Variants in FTCDNL1 observed in about 807,000 individuals in gnomAD.
FTCDNL1 encodes formiminotransferase cyclodeaminase N-terminal like.
A neutral mutation model predicts 5.9 loss-of-function variants in FTCDNL1; 11 were observed. The ratio of observed to expected loss-of-function variants is 1.87; its 90% CI spans 1.18 to 3.10. The LOEUF (loss-of-function observed/expected upper bound fraction) is 3.10. Among genes scored for constraint, FTCDNL1 ranks in the 30% most tolerant of loss-of-function variants. FTCDNL1 has a pLI of 0.00. For missense variants in FTCDNL1, 115 were observed against 65.5 expected (o/e 1.76, Z -2.61); for synonymous variants, 58 against 24.8 (o/e 2.34, Z -3.99).
intron 2 of FTCDNL1, 113 bp from the exon 3 acceptor site, chr2:199,846,283 G>A (rs2076730916): frequency 1.7e-6 from 1 of 578,742 alleles, no homozygotes; most frequent in Non-Finnish European, 3.1e-6. Flanking sequence ...TCTGGGATGT[G>A]ACTTTTGGAA....
intron 3 of FTCDNL1, among the ~76,000 whole-genome samples, chr2:199,791,242 T>C (rs947166278): frequency 7.2e-5 from 11 of 151,926 alleles, no homozygotes; most frequent in Non-Finnish European, 1.5e-4. Context: ...ATTTAAAAGA[T>C]ATCATTTGTC....
At chr2:199,843,869 T>A (rs1215820071) in intron 3 of FTCDNL1, among the ~76,000 whole-genome samples, 2 of 151,988 alleles carry the variant, frequency 1.3e-5, no homozygotes, top group South Asian at 2.1e-4. Context: ...TTTTTCCAAA[T>A]TAACCTTACC....
At chr2:199,806,063 C>T (rs1700709985), downstream of FTCDNL1, among the ~76,000 whole-genome samples, 1 of 152,200 alleles carries the variant, frequency 6.6e-6, no homozygotes, top group African/African-American at 2.4e-5. Context: ...ACTTGCCTCA[C>T]AATACTGCAA....
intron 4 of FTCDNL1, among the ~76,000 whole-genome samples, chr2:199,817,493 A>T (rs537978516): frequency 1.3e-5 from 2 of 152,308 alleles, no homozygotes; most frequent in African/African-American, 4.8e-5. Flanking sequence ...AAAAACAGAG[A>T]ATAAAATCAT....
At chr2:199,718,058 GT>G in the FTCDNL1 span, among the ~76,000 whole-genome samples, 1 of 151,174 alleles carries the variant, frequency 6.6e-6, no homozygotes, top group African/African-American at 2.4e-5. Context: ...TTTCCAATGA[GT>G]TTTAAAAATT....
Position 199,846,178 on chromosome 2 carries a change from A to G in FTCDNL1, c.116-8T>C. The G allele has an allele frequency of 1.5e-6, 1 of 687,716 alleles. No individual in the cohort carries two copies. The highest frequency in any genetic ancestry group is 2.6e-6 in the Non-Finnish European group (1 of 379,180). 42.6% of individuals were successfully genotyped at this position (687,716 alleles called of 1,614,324 possible). A position where few individuals can be genotyped will look rare whatever the true frequency, so the allele number is the denominator to read the frequency against. Reference sequence around the variant, plus strand: ...CTTGAGGATGTTTCTTTCCTGTAAAAAAAACAAGACAGAAGTGCAAGAATT... The same window carrying G: ...CTTGAGGATGTTTCTTTCCTGTAAAGAAAACAAGACAGAAGTGCAAGAATT... On this transcript the variant is annotated splice_region_variant and splice_polypyrimidine_tract_variant and intron_variant, in intron 2 of 4. Transcript: ENST00000420128.
At chr2:199,740,414 C>A in the FTCDNL1 span, among the ~76,000 whole-genome samples, 1 of 152,178 alleles carries the variant, frequency 6.6e-6, no homozygotes, top group Non-Finnish European at 1.5e-5. Flanking sequence ...TCTCCAGAGC[C>A]TCTGAATCGC....
At chr2:199,694,827 C>A in the FTCDNL1 span, among the ~76,000 whole-genome samples, 1 of 152,020 alleles carries the variant, frequency 6.6e-6, no homozygotes, top group South Asian at 2.1e-4. Flanking sequence ...GAGTAAGACC[C>A]TGTCTCAAAA....
At chr2:199,779,823 T>C (rs944613120) in intron 3 of FTCDNL1, among the ~76,000 whole-genome samples, 2 of 152,184 alleles carry the variant, frequency 1.3e-5, no homozygotes, top group Admixed American at 6.5e-5. Flanking sequence ...TGTATGGGGT[T>C]GTCCTCGCTC....
chr2:199,750,530 T>A, the FTCDNL1 span, among the ~76,000 whole-genome samples: 1 of 152,168 alleles, frequency 6.6e-6, no homozygotes, highest in East Asian at 1.9e-4. Context: ...CACACCTAAC[T>A]GGTTCTGAGA....
the FTCDNL1 span, among the ~76,000 whole-genome samples, chr2:199,697,461 T>C: frequency 2.0e-5 from 3 of 151,842 alleles, no homozygotes; most frequent in Non-Finnish European, 4.4e-5. Flanking sequence ...CCAGAAGAGG[T>C]TGGGGGTCCA....
the FTCDNL1 span, among the ~76,000 whole-genome samples, chr2:199,746,250 C>T: frequency 2.0e-5 from 3 of 152,180 alleles, no homozygotes; most frequent in African/African-American, 7.2e-5. Context: ...TAGAAACTCA[C>T]CCTCTCCAAA....
At chr2:199,833,636 C>T (rs1481085113) in intron 3 of FTCDNL1, among the ~76,000 whole-genome samples, 1 of 152,236 alleles carries the variant, frequency 6.6e-6, no homozygotes, top group African/African-American at 2.4e-5. Context: ...TAACTTGGCT[C>T]TTCCACCTAT....
chr2:199,832,298 G>T (rs1260431254), intron 3 of FTCDNL1, among the ~76,000 whole-genome samples: 1 of 152,000 alleles, frequency 6.6e-6, no homozygotes, highest in African/African-American at 2.4e-5. Context: ...GTGTCCTGTG[G>T]TGCTTTCTAA....
intron 4 of FTCDNL1, among the ~76,000 whole-genome samples, chr2:199,814,682 G>C (rs1701243739): frequency 6.6e-6 from 1 of 152,176 alleles, no homozygotes; most frequent in African/African-American, 2.4e-5. Context: ...TACATGCTTA[G>C]TGACACATTG....
the FTCDNL1 span, among the ~76,000 whole-genome samples, chr2:199,734,332 T>A: frequency 2.5e-4 from 38 of 152,198 alleles, no homozygotes; most frequent in African/African-American, 7.7e-4. Flanking sequence ...GAAGCAAATT[T>A]AAGGTACCAT....
the FTCDNL1 span, among the ~76,000 whole-genome samples, chr2:199,674,474 C>G: frequency 6.6e-6 from 1 of 152,178 alleles, no homozygotes; most frequent in Admixed American, 6.5e-5. Flanking sequence ...ACCCAGCACA[C>G]TATTTCCAAA....
the FTCDNL1 span, among the ~76,000 whole-genome samples, chr2:199,719,564 T>C: frequency 6.6e-6 from 1 of 152,178 alleles, no homozygotes; most frequent in Non-Finnish European, 1.5e-5. Flanking sequence ...CTGTGAAAAA[T>C]GATGGTAATT....
intron 3 of FTCDNL1, 136 bp from the exon 4 acceptor site, chr2:199,819,893 A>T (rs1015593780): frequency 1.7e-6 from 1 of 602,124 alleles, no homozygotes; most frequent in Admixed American, 2.9e-5. Flanking sequence ...AAGTGTCCAG[A>T]TCAGTGGCAT....
Sources: gnomAD v4.1 joint callset for allele counts (sites outside exome capture counted in the v4.1 genomes callset) on GRCh38, gnomAD v4.1.1 for gene constraint, MANE v1.5 for transcripts, NCBI Gene and HGNC (gene_info 2026-07-23, HGNC 2026-07-21) for gene names.